Variants in RAD54B observed in about 807,000 individuals in gnomAD.
RAD54B encodes the protein DNA repair and recombination protein RAD54B.
In RAD54B, 78 loss-of-function variants were observed where a neutral mutation model predicts 95.8. That is an observed-to-expected ratio of 0.81 (90% CI 0.68 to 0.98). RAD54B has a LOEUF of 0.98. Among genes scored for constraint, RAD54B ranks in the 50% least tolerant of loss-of-function variants. RAD54B has a pLI of 0.00. For synonymous variants in RAD54B, 328 were observed against 354.9 expected, an observed-to-expected ratio of 0.92 and a Z score of 0.85; for missense variants, 957 against 1,056.6, an observed-to-expected ratio of 0.91 and a Z score of 1.31.
chr8:94,440,780 T>C (rs114776663), intron 3 of RAD54B, among the ~76,000 whole-genome samples: 3,953 of 152,224 alleles, frequency 0.026, 186 homozygotes, highest in African/African-American at 0.09. Flanking sequence ...TATCAGGAGA[T>C]AGTGTTAGAT....
chr8:94,442,510 G>A (rs533987026), intron 3 of RAD54B, among the ~76,000 whole-genome samples: 81 of 151,294 alleles, frequency 5.4e-4, no homozygotes, highest in African/African-American at 1.8e-3. Flanking sequence ...GGGAGGCGGA[G>A]CTTGCAGTGA....
chr8:94,450,039 C>A (rs888007287), intron 3 of RAD54B, among the ~76,000 whole-genome samples: 1 of 152,148 alleles, frequency 6.6e-6, no homozygotes, highest in Non-Finnish European at 1.5e-5. Context: ...GCCCAAAAAT[C>A]ATAAAACCTA....
chr8:94,414,383 G>A (rs1476244063), intron 3 of RAD54B, among the ~76,000 whole-genome samples: 1 of 152,172 alleles, frequency 6.6e-6, no homozygotes, highest in Non-Finnish European at 1.5e-5. Flanking sequence ...AGTGGTGAGA[G>A]AGGGCATCCC....
At chr8:94,450,677 C>T (rs1160020846) in intron 3 of RAD54B, among the ~76,000 whole-genome samples, 4 of 152,182 alleles carry the variant, frequency 2.6e-5, no homozygotes, top group East Asian at 1.9e-4. Flanking sequence ...GCCAGGAGTT[C>T]GAGACGAACC....
intron 3 of RAD54B, chr8:94,427,998 T>G (rs905290149): frequency 2.1e-6 from 2 of 930,372 alleles, no homozygotes. Flanking sequence ...ACTTGACTAT[T>G]TTAAGAAATC....
intron 2 of RAD54B, among the ~76,000 whole-genome samples, chr8:94,463,704 C>T (rs569252608): frequency 6.6e-6 from 1 of 150,846 alleles, no homozygotes; most frequent in Non-Finnish European, 1.5e-5. Flanking sequence ...ATAGGCAGAC[C>T]CCATCTCTAT....
At position 94,391,779 on chromosome 8, in the gene RAD54B, C is replaced by A. The variant is rs754691639; in HGVS notation, c.1639G>T (p.Val547Phe). Reference sequence around the variant, plus strand: ...TGTAGTGCTCCTGGTCGGCAAAAGACAACATTCTCTATTTTAGGTGGGAGA... The same window carrying A: ...TGTAGTGCTCCTGGTCGGCAAAAGAAAACATTCTCTATTTTAGGTGGGAGA... ...KYLPPKIENV[V>F]FCRPGALQIE... The change falls in exon 10 of 15, where the codon GTC becomes TTC. Residue 547 changes from valine to phenylalanine, a missense_variant. By Grantham distance (50) the Val-to-Phe change is conservative. Coordinates refer to ENST00000336148, the MANE Select transcript of RAD54B (RefSeq NM_012415.3). 2.5e-6 allele frequency: 4 copies of A among 1,614,046 alleles called. No homozygotes were observed. Among genetic ancestry groups the A allele is most frequent in the East Asian group, 2.2e-5 (1 of 44,858 alleles).
rs558929568 is a variant in RAD54B at position 94,411,381 on chromosome 8, A to G, written c.305-66T>C. ...TAATGTCTAAGTAGTAAGGTCATTC[A>G]AACAAAACCAAAAGGCACAAGAAAA... On this transcript the variant is annotated intron_variant, in intron 3 of 14. Coordinates refer to ENST00000336148, the MANE Select transcript of RAD54B (RefSeq NM_012415.3). 50 of 1,253,210 alleles carry G rather than the reference A, an allele frequency of 4.0e-5. No individual in the cohort carries two copies. The South Asian group carries it at 7.1e-4, about 18-fold the overall frequency. 77.6% of individuals were successfully genotyped at this position (1,253,210 alleles called of 1,614,324 possible). A position where few individuals can be genotyped will look rare whatever the true frequency, so the allele number is the denominator to read the frequency against.
chr8:94,445,053 G>A (rs1392145278), intron 3 of RAD54B, among the ~76,000 whole-genome samples: 1 of 152,102 alleles, frequency 6.6e-6, no homozygotes, highest in Non-Finnish European at 1.5e-5. Flanking sequence ...TAAACTGGGT[G>A]GCTTATAAAC....
rs763039875 is a variant in RAD54B at position 94,458,388 on chromosome 8, T to C, written c.184A>G (p.Ile62Val). 1.2e-6 allele frequency: 2 copies of C among 1,603,288 alleles called. No homozygotes were observed. The highest frequency in any genetic ancestry group is 2.3e-5 in the East Asian group (1 of 44,348). ...TCACTAGGCAGATTTAAACTGCATA[T>C]TCTAAGATCATTTTGTGACGGGAGA... ...TFLPSQNDLR[I>V]CSLNLPSEES... Residue 62 changes from isoleucine (I) to valine (V), a missense_variant, in exon 3 of 15, where the codon ATA becomes GTA. By Grantham distance (29) the Ile-to-Val change is conservative. Coordinates refer to ENST00000336148, the MANE Select transcript of RAD54B (RefSeq NM_012415.3).
At chr8:94,373,015 T>G (rs564403233) in intron 14 of RAD54B, 1 of 152,330 alleles carries the variant, frequency 6.6e-6, no homozygotes, top group Non-Finnish European at 1.5e-5. Flanking sequence ...ATCTTACATA[T>G]GACAAGAGAG....
At position 94,420,104 on chromosome 8, in the gene RAD54B, T is replaced by G. The variant is rs1403004293; in HGVS notation, c.305-8789A>C. On this transcript the variant is annotated intron_variant, in intron 3 of 14. Coordinates refer to ENST00000336148, the MANE Select transcript of RAD54B (RefSeq NM_012415.3). ...GTGTAGCAGGCTATACCATCTAGGT[T>G]TGAGGAAGTACATTCCACAATGTTC... 2.6e-5 allele frequency among the ~76,000 whole-genome samples: 4 copies of G among 152,272 alleles called. No individual in the cohort carries two copies. The East Asian group carries it at 7.7e-4, about 29-fold the overall frequency.
At chr8:94,382,768 G>A (rs1810777051) in intron 11 of RAD54B, among the ~76,000 whole-genome samples, 1 of 152,130 alleles carries the variant, frequency 6.6e-6, no homozygotes, top group African/African-American at 2.4e-5. Context: ...CACGAGATCT[G>A]CTGGTTTTAT....
chr8:94,418,487 CTT>C (rs1219972947), intron 3 of RAD54B, among the ~76,000 whole-genome samples: 2 of 152,084 alleles, frequency 1.3e-5, no homozygotes, highest in Non-Finnish European at 2.9e-5. Flanking sequence ...GTAAAATAGA[CTT>C]TTTCTTTTGA....
At chr8:94,403,303 A>G (rs1206659313) in intron 6 of RAD54B, among the ~76,000 whole-genome samples, 3 of 152,190 alleles carry the variant, frequency 2.0e-5, no homozygotes, top group African/African-American at 4.8e-5. Flanking sequence ...AGATACTACT[A>G]TTCTTTAATC....
chr8:94,416,799 C>A (rs1438258683), intron 3 of RAD54B, among the ~76,000 whole-genome samples: 1 of 152,078 alleles, frequency 6.6e-6, no homozygotes, highest in Non-Finnish European at 1.5e-5. Context: ...TAAAATGGTG[C>A]AGCACTTTGG....
At chr8:94,429,687 C>G in intron 3 of RAD54B, 5 of 983,184 alleles carry the variant, frequency 5.1e-6, no homozygotes, top group Non-Finnish European at 6.0e-6. Flanking sequence ...AAAGTCATAG[C>G]ACAGATTAAA....
intron 11 of RAD54B, among the ~76,000 whole-genome samples, chr8:94,383,801 A>G (rs897879970): frequency 1.3e-5 from 2 of 152,202 alleles, no homozygotes; most frequent in Non-Finnish European, 2.9e-5. Context: ...TCATTAGAGA[A>G]ATGCAAATCA....
intron 3 of RAD54B, among the ~76,000 whole-genome samples, chr8:94,426,266 A>C (rs892164342): frequency 9.1e-6 from 1 of 110,134 alleles, no homozygotes. Flanking sequence ...TGCAAAAATT[A>C]AAAAAAAAAA....
Sources: allele counts gnomAD v4.1 joint callset (sites outside exome capture counted in the v4.1 genomes callset), GRCh38; gene constraint gnomAD v4.1.1; transcripts MANE v1.5; gene names NCBI Gene and HGNC (gene_info 2026-07-23, HGNC 2026-07-21).